GRID2: variants seen among roughly 807,000 people sequenced by gnomAD.
GRID2 encodes the protein glutamate ionotropic receptor delta type subunit 2, also known as glutamate receptor ionotropic, delta-2.
A neutral mutation model predicts 114.8 loss-of-function variants in GRID2; 33 were observed. The ratio of observed to expected loss-of-function variants is 0.29; its 90% CI spans 0.22 to 0.38. The LOEUF is 0.38. Among genes scored for constraint, GRID2 ranks in the 10% least tolerant of loss-of-function variants. The pLI is 1.00. For synonymous variants in GRID2, 505 were observed against 449.9 expected (o/e 1.12, Z -1.55); for missense variants, 1,184 against 1,257.7 (o/e 0.94, Z 0.89).
At chr4:92,784,638 TATA>T (rs1472423340) in intron 2 of GRID2, among the ~76,000 whole-genome samples, 2 of 151,968 alleles carry the variant, frequency 1.3e-5, no homozygotes, top group African/African-American at 4.8e-5. Flanking sequence ...ATGTTTGAAA[TATA>T]AGAAAGTCAA....
chr4:92,827,402 T>TAAA (rs869244288), intron 2 of GRID2, among the ~76,000 whole-genome samples: 1 of 134,854 alleles, frequency 7.4e-6, no homozygotes, highest in South Asian at 2.3e-4. Context: ...TCCTGAGATT[T>TAAA]AAAAAAAAAA....
At chr4:92,665,779 G>A (rs1579800204) in intron 2 of GRID2, among the ~76,000 whole-genome samples, 1 of 150,722 alleles carries the variant, frequency 6.6e-6, no homozygotes, top group Non-Finnish European at 1.5e-5. Context: ...TTTCTGATGA[G>A]AAATCTACTG....
intron 1 of GRID2, among the ~76,000 whole-genome samples, chr4:92,518,158 T>C (rs1471918426): frequency 4.7e-5 from 7 of 149,260 alleles, no homozygotes; most frequent in Non-Finnish European, 8.9e-5. Flanking sequence ...TTCATCCCCC[T>C]TTTTTTTTCT....
At chr4:92,827,764 A>G (rs1246248743) in intron 2 of GRID2, among the ~76,000 whole-genome samples, 2 of 152,110 alleles carry the variant, frequency 1.3e-5, no homozygotes, top group Non-Finnish European at 2.9e-5. Context: ...GATGGATATA[A>G]GCACTTTCCT....
At chr4:92,528,335 C>T (rs1725145551) in intron 1 of GRID2, among the ~76,000 whole-genome samples, 1 of 149,288 alleles carries the variant, frequency 6.7e-6, no homozygotes, top group Non-Finnish European at 1.5e-5. Flanking sequence ...AATTACTATA[C>T]ATATATAGTA....
intron 11 of GRID2, among the ~76,000 whole-genome samples, chr4:93,468,910 A>G (rs1724539433): frequency 6.6e-6 from 1 of 152,154 alleles, no homozygotes; most frequent in Non-Finnish European, 1.5e-5. Flanking sequence ...TATATTTTAT[A>G]GGTATACAAA....
chr4:92,952,359 A>G (rs552503128), intron 2 of GRID2, among the ~76,000 whole-genome samples: 1 of 152,296 alleles, frequency 6.6e-6, no homozygotes, highest in East Asian at 1.9e-4. Context: ...GACGACCTTT[A>G]TTCATTGAGG....
At chr4:93,118,737 T>C (rs1362901744) in intron 4 of GRID2, among the ~76,000 whole-genome samples, 1 of 152,028 alleles carries the variant, frequency 6.6e-6, no homozygotes, top group Non-Finnish European at 1.5e-5. Flanking sequence ...AAGAAACTGA[T>C]GGATTGAGAA....
intron 2 of GRID2, among the ~76,000 whole-genome samples, chr4:92,819,849 T>G (rs1741157666): frequency 6.6e-6 from 1 of 152,156 alleles, no homozygotes. Flanking sequence ...TATAAATTAT[T>G]AGTACTCCAT....
intron 9 of GRID2, among the ~76,000 whole-genome samples, chr4:93,407,240 T>C (rs1346555244): frequency 4.6e-5 from 7 of 152,044 alleles, no homozygotes; most frequent in East Asian, 1.9e-4. Context: ...AGAATAGATA[T>C]CTTCAAAAAG....
At chr4:92,855,725 T>C (rs1260299758) in intron 2 of GRID2, among the ~76,000 whole-genome samples, 3 of 152,038 alleles carry the variant, frequency 2.0e-5, no homozygotes, top group Non-Finnish European at 4.4e-5. Flanking sequence ...CACACCTTTT[T>C]AGTCTTAAGA....
chr4:92,642,607 TTTG>T (rs934217013), intron 2 of GRID2, among the ~76,000 whole-genome samples: 7 of 151,912 alleles, frequency 4.6e-5, no homozygotes, highest in African/African-American at 1.7e-4. Context: ...TTATAGTCTT[TTTG>T]TTGTTGTTGT....
At chr4:93,481,730 G>T (rs72668774) in intron 11 of GRID2, among the ~76,000 whole-genome samples, 2,152 of 152,136 alleles carry the variant, frequency 0.014, 19 homozygotes, top group South Asian at 0.055. Flanking sequence ...ATGTGCTACA[G>T]AGATATGGGA....
At chr4:92,429,958 T>C (rs145580935) in intron 1 of GRID2, among the ~76,000 whole-genome samples, 49 of 152,224 alleles carry the variant, frequency 3.2e-4, no homozygotes, top group African/African-American at 1.1e-3. Context: ...GATTATTAGA[T>C]TTTTTCCTAT....
At chr4:93,331,513 C>T (rs1758450964) in intron 8 of GRID2, among the ~76,000 whole-genome samples, 2 of 151,806 alleles carry the variant, frequency 1.3e-5, no homozygotes, top group Admixed American at 6.6e-5. Context: ...TATATTGTAC[C>T]TTTGTACATA....
rs544255066 is a variant in GRID2 at position 92,821,178 on chromosome 4, T to G, written c.244+230892T>G. Among the ~76,000 whole-genome samples, 17 of 152,328 alleles carry G rather than the reference T, an allele frequency of 1.1e-4. No homozygotes were observed. In the South Asian group the frequency reaches 3.5e-3, roughly 32 times the overall value. On this transcript the variant is annotated intron_variant, in intron 2 of 15. Coordinates refer to ENST00000282020, the MANE Select transcript of GRID2 (RefSeq NM_001510.4). ...AATTCAACATAATTTAGGCCAGATA[T>G]TTCATAAAATTGTGTTTATTTCTAA... is the stretch of plus-strand genomic sequence containing the variant.
chr4:92,482,325 G>A (rs1560660851), intron 1 of GRID2, among the ~76,000 whole-genome samples: 1 of 151,826 alleles, frequency 6.6e-6, no homozygotes, highest in Non-Finnish European at 1.5e-5. Flanking sequence ...GGACTACTTA[G>A]AGGGCAGAGG....
intron 2 of GRID2, among the ~76,000 whole-genome samples, chr4:92,938,847 G>A (rs1486932725): frequency 4.1e-5 from 6 of 145,918 alleles, no homozygotes; most frequent in Non-Finnish European, 7.5e-5. Flanking sequence ...AGTTTGCTAA[G>A]AATGATGGTT....
Position 93,604,540 on chromosome 4 carries a change from C to T in GRID2, c.2194-21729C>T, listed in dbSNP as rs146973763. On this transcript the variant is annotated intron_variant, in intron 13 of 15. Coordinates refer to ENST00000282020, the MANE Select transcript of GRID2 (RefSeq NM_001510.4). ...AACATAAACTTAGTTGGTAAAGCAG[C>T]AGCAGGGCTTGAGAGGACTGACTCC... is the stretch of plus-strand genomic sequence containing the variant. 1.4e-4 allele frequency among the ~76,000 whole-genome samples: 21 copies of T among 152,310 alleles called. No individual in the cohort carries two copies. The East Asian group carries it at 4.0e-3, about 29-fold the overall frequency.
Sources: gnomAD v4.1 joint callset for allele counts (sites outside exome capture counted in the v4.1 genomes callset) on GRCh38, gnomAD v4.1.1 for gene constraint, MANE v1.5 for transcripts, NCBI Gene and HGNC (gene_info 2026-07-23, HGNC 2026-07-21) for gene names.